TAFA1: variants seen among roughly 807,000 people sequenced by gnomAD.
TAFA1 encodes the protein TAFA chemokine like family member 1.
Under a neutral mutation model 18.5 loss-of-function variants are expected in TAFA1, and 4 were observed. The observed-to-expected ratio is 0.22, with a 90% confidence interval of 0.11 to 0.49. The LOEUF is 0.49. Among genes scored for constraint, TAFA1 ranks in the 20% least tolerant of loss-of-function variants. The probability of loss-of-function intolerance (pLI) is 0.98; values close to 1 mark genes in which losing one functional copy is unlikely to be tolerated. For missense variants in TAFA1, 147 were observed against 169.0 expected, an observed-to-expected ratio of 0.87 and a Z score of 0.72; for synonymous variants, 56 against 55.2, an observed-to-expected ratio of 1.01 and a Z score of -0.06.
chr3:68,106,032 T>G (rs1343632127), intron 2 of TAFA1, among the ~76,000 whole-genome samples: 2 of 152,118 alleles, frequency 1.3e-5, no homozygotes, highest in African/African-American at 4.8e-5. Context: ...CAGGTATGCT[T>G]GTTTAAAAGA....
chr3:68,348,751 A>C (rs1328882239), intron 2 of TAFA1, among the ~76,000 whole-genome samples: 1 of 152,120 alleles, frequency 6.6e-6, no homozygotes, highest in African/African-American at 2.4e-5. Context: ...CCTCCACCCC[A>C]AGAACATCTG....
intron 2 of TAFA1, among the ~76,000 whole-genome samples, chr3:68,209,397 G>A (rs1207911371): frequency 6.6e-6 from 1 of 152,022 alleles, no homozygotes; most frequent in Non-Finnish European, 1.5e-5. Context: ...ACATTATACA[G>A]CAGTAATTTC....
chr3:68,477,514 A>T (rs1217541907), intron 3 of TAFA1, among the ~76,000 whole-genome samples: 1 of 152,074 alleles, frequency 6.6e-6, no homozygotes, highest in Admixed American at 6.6e-5. Context: ...AGCGGGGATT[A>T]TAGGCATGTG....
chr3:68,376,746 T>A (rs1411932608), intron 2 of TAFA1, among the ~76,000 whole-genome samples: 1 of 152,158 alleles, frequency 6.6e-6, no homozygotes, highest in Non-Finnish European at 1.5e-5. Context: ...GATAGAATGA[T>A]TTATATTCCT....
chr3:68,465,659 ACT>A (rs1262759934), intron 3 of TAFA1, among the ~76,000 whole-genome samples: 3 of 152,092 alleles, frequency 2.0e-5, no homozygotes, highest in Non-Finnish European at 4.4e-5. Context: ...TCCAAAGTTA[ACT>A]CACTGGACAA....
upstream of TAFA1, among the ~76,000 whole-genome samples, chr3:67,999,649 CT>C (rs1045774662): frequency 7.9e-5 from 12 of 151,076 alleles, no homozygotes; most frequent in South Asian, 2.1e-4. Context: ...GGACAGTTTC[CT>C]TTTTTTTTCT....
chr3:68,383,130 G>A (rs2070012421), intron 2 of TAFA1, among the ~76,000 whole-genome samples: 1 of 152,008 alleles, frequency 6.6e-6, no homozygotes, highest in South Asian at 2.1e-4. Flanking sequence ...TCTAGATATA[G>A]GATCATGTCA....
chr3:68,079,377 C>T (rs1344927639), intron 2 of TAFA1, among the ~76,000 whole-genome samples: 2 of 152,116 alleles, frequency 1.3e-5, no homozygotes, highest in Non-Finnish European at 2.9e-5. Flanking sequence ...TTTTCTCTTG[C>T]TTTTCTAGTT....
intron 2 of TAFA1, among the ~76,000 whole-genome samples, chr3:68,141,164 C>T (rs553425066): frequency 5.3e-5 from 8 of 152,254 alleles, no homozygotes; most frequent in East Asian, 1.9e-4. Flanking sequence ...ACGGGTGCCA[C>T]GGGTCAATGG....
intron 2 of TAFA1, among the ~76,000 whole-genome samples, chr3:68,378,457 T>C (rs763497260): frequency 6.6e-6 from 1 of 152,164 alleles, no homozygotes; most frequent in Non-Finnish European, 1.5e-5. Flanking sequence ...ATCTAGGAAG[T>C]AACTAATTTG....
chr3:68,433,210 C>A (rs549875078), intron 3 of TAFA1, among the ~76,000 whole-genome samples: 8 of 152,038 alleles, frequency 5.3e-5, no homozygotes, highest in Non-Finnish European at 1.2e-4. Context: ...TGGGAAACAT[C>A]TTTGCCTTTC....
chr3:68,200,941 G>A (rs1339565137), intron 2 of TAFA1, among the ~76,000 whole-genome samples: 2 of 150,790 alleles, frequency 1.3e-5, no homozygotes, highest in East Asian at 2.0e-4. Flanking sequence ...TAAGGTAGAA[G>A]CTTAGATAAT....
intron 2 of TAFA1, among the ~76,000 whole-genome samples, chr3:68,372,070 A>G (rs2069717236): frequency 6.6e-6 from 1 of 152,238 alleles, no homozygotes; most frequent in Non-Finnish European, 1.5e-5. Flanking sequence ...AGTCTAACAC[A>G]TAGAAAGTAT....
At chr3:68,037,174 G>T (rs1559712168) in intron 2 of TAFA1, among the ~76,000 whole-genome samples, 1 of 152,070 alleles carries the variant, frequency 6.6e-6, no homozygotes, top group Non-Finnish European at 1.5e-5. Flanking sequence ...GTAGGAGAAG[G>T]GTGTTCCAGA....
chr3:68,033,728 AG>A (rs1413655205), intron 2 of TAFA1, among the ~76,000 whole-genome samples: 1 of 152,232 alleles, frequency 6.6e-6, no homozygotes, highest in African/African-American at 2.4e-5. Flanking sequence ...TCTTTTCTGT[AG>A]GAAGAGGAAC....
chr3:68,329,311 C>T (rs569984974), intron 2 of TAFA1, among the ~76,000 whole-genome samples: 1 of 150,104 alleles, frequency 6.7e-6, no homozygotes, highest in South Asian at 2.1e-4. Flanking sequence ...CGTGATCCAC[C>T]TGCCTTGGCC....
intron 2 of TAFA1, among the ~76,000 whole-genome samples, chr3:68,191,015 C>T (rs748931857): frequency 3.3e-5 from 5 of 151,754 alleles, no homozygotes; most frequent in Admixed American, 1.3e-4. Context: ...GACTCATCTG[C>T]GTAGCTTGTG....
intron 2 of TAFA1, among the ~76,000 whole-genome samples, chr3:68,054,565 C>A (rs559583767): frequency 6.6e-6 from 1 of 152,144 alleles, no homozygotes; most frequent in Non-Finnish European, 1.5e-5. Flanking sequence ...GCCTGTGGAC[C>A]AAATCTGATG....
chr3:68,100,069 T>C (rs1309177286), intron 2 of TAFA1, among the ~76,000 whole-genome samples: 3 of 152,080 alleles, frequency 2.0e-5, no homozygotes, highest in Non-Finnish European at 2.9e-5. Flanking sequence ...ATCTAGATGA[T>C]GGGATCAATC....
Sources: allele counts gnomAD v4.1 joint callset (sites outside exome capture counted in the v4.1 genomes callset), GRCh38; gene constraint gnomAD v4.1.1; transcripts MANE v1.5; gene names NCBI Gene and HGNC (gene_info 2026-07-23, HGNC 2026-07-21).